The following MSRB3 variants were observed in gnomAD, a reference collection of about 807,000 sequenced individuals.
The protein encoded by MSRB3 is methionine sulfoxide reductase B3.
In MSRB3, 13 loss-of-function variants were observed where a neutral mutation model predicts 21.0. The ratio of observed to expected loss-of-function variants is 0.62; its 90% CI spans 0.40 to 0.98. The LOEUF (loss-of-function observed/expected upper bound fraction) is 0.98, where lower values mean the gene tolerates loss of function less well. MSRB3 is among the 50% of genes least tolerant of loss of function. MSRB3 has a pLI of 0.00. For missense variants in MSRB3, 199 were observed against 230.3 expected, an observed-to-expected ratio of 0.86 and a Z score of 0.88; for synonymous variants, 87 against 88.6, an observed-to-expected ratio of 0.98 and a Z score of 0.10.
chr12:65,390,433 G>A (rs1879415784), intron 5 of MSRB3, among the ~76,000 whole-genome samples: 1 of 151,996 alleles, frequency 6.6e-6, no homozygotes, highest in Admixed American at 6.6e-5. Context: ...AGGCCAATAA[G>A]CATTTGCAAA....
chr12:65,346,885 C>T (rs1876550308), intron 4 of MSRB3, among the ~76,000 whole-genome samples: 1 of 152,118 alleles, frequency 6.6e-6, no homozygotes, highest in African/African-American at 2.4e-5. Context: ...TGTCAAAGAT[C>T]AGATAGCTGT....
chr12:65,392,857 G>A (rs1004565901), intron 5 of MSRB3, among the ~76,000 whole-genome samples: 1 of 152,134 alleles, frequency 6.6e-6, no homozygotes, highest in African/African-American at 2.4e-5. Context: ...CACAGAAAGA[G>A]TTCTATTATT....
chr12:65,356,690 A>G (rs925053662), intron 4 of MSRB3, among the ~76,000 whole-genome samples: 1 of 151,984 alleles, frequency 6.6e-6, no homozygotes, highest in African/African-American at 2.4e-5. Context: ...AAGAACATTC[A>G]GGTTAGTGGT....
At chr12:65,419,185 G>A in intron 5 of MSRB3, 1 of 700,748 alleles carries the variant, frequency 1.4e-6, no homozygotes, top group South Asian at 1.5e-5. Flanking sequence ...GACCACTGTG[G>A]TACTCTCCTT....
chr12:65,430,953 G>C (rs1355767680), intron 5 of MSRB3, among the ~76,000 whole-genome samples: 1 of 152,042 alleles, frequency 6.6e-6, no homozygotes, highest in Non-Finnish European at 1.5e-5. Flanking sequence ...ATGAATACAA[G>C]TTCAAGTTTG....
At chr12:65,361,930 G>A (rs923805758) in intron 4 of MSRB3, among the ~76,000 whole-genome samples, 7 of 151,946 alleles carry the variant, frequency 4.6e-5, no homozygotes, top group African/African-American at 1.2e-4. Flanking sequence ...AAAATTAACC[G>A]TAAAATTAAT....
At chr12:65,308,766 G>A (rs920020097) in intron 2 of MSRB3, 111 bp downstream of exon 2, 4 of 1,496,878 alleles carry the variant, frequency 2.7e-6, no homozygotes, top group African/African-American at 1.4e-5. Flanking sequence ...CTTTTACTTG[G>A]GCCCTAATTT....
intron 2 of MSRB3, among the ~76,000 whole-genome samples, chr12:65,311,492 A>G (rs12314076): frequency 0.042 from 6,383 of 152,130 alleles, 432 homozygotes; most frequent in African/African-American, 0.15. Flanking sequence ...GCTCTTAGAT[A>G]TATAGAAATG....
rs560946550 is a variant in MSRB3 at position 65,380,372 on chromosome 12, T to G, written c.292+11346T>G. 3.9e-4 allele frequency among the ~76,000 whole-genome samples: 59 copies of G among 151,616 alleles called. No individual in the cohort carries two copies. The South Asian group carries it at 9.9e-3, about 25-fold the overall frequency. The stretch of plus-strand genomic sequence containing the variant: ...AGTTGGATCACTTGAGGTACAGGAG[T>G]TCGAAACAGCCTGGCCAACATGGTG... On this transcript the variant is annotated intron_variant, in intron 5 of 6. Coordinates refer to ENST00000308259, the MANE Select transcript of MSRB3 (RefSeq NM_001031679.3).
At chr12:65,392,299 G>A (rs1879523302) in intron 5 of MSRB3, among the ~76,000 whole-genome samples, 1 of 152,150 alleles carries the variant, frequency 6.6e-6, no homozygotes, top group Non-Finnish European at 1.5e-5. Flanking sequence ...AAATTACACA[G>A]GGGTAGAAAT....
chr12:65,422,232 T>C (rs1341632249), intron 5 of MSRB3, among the ~76,000 whole-genome samples: 2 of 151,540 alleles, frequency 1.3e-5, no homozygotes, highest in African/African-American at 2.4e-5. Context: ...ATAAAGCAAG[T>C]CCTTAGAGAC....
chr12:65,448,342 CA>C (rs1181619985), intron 5 of MSRB3, among the ~76,000 whole-genome samples: 1 of 152,114 alleles, frequency 6.6e-6, no homozygotes, highest in East Asian at 1.9e-4. Flanking sequence ...GTAAATGAAA[CA>C]AACTCCCTGC....
At chr12:65,317,244 T>C (rs2136435524) in intron 2 of MSRB3, among the ~76,000 whole-genome samples, 1 of 152,290 alleles carries the variant, frequency 6.6e-6, no homozygotes, top group East Asian at 1.9e-4. Context: ...ATCATGAAAT[T>C]GAGAAACCCT....
At position 65,465,118 on chromosome 12, in the gene MSRB3, T is replaced by G. The variant is rs1259045999; in HGVS notation, c.*1796T>G. The G allele has an allele frequency of 6.6e-6, 1 of 152,196 alleles. No individual in the cohort carries two copies. The highest frequency in any genetic ancestry group is 2.1e-4 in the South Asian group (1 of 4,830). The allele number at this position is 152,196 out of a possible 1,614,324, so 9.4% of individuals were successfully genotyped here. On this transcript the variant is annotated 3_prime_UTR_variant, in exon 7 of 7. Transcript: ENST00000308259. ...ACTTAGCTGATTGGTATGGAAACAG[T>G]TGGGCCAAGAGCCAGAATTTCCCTT...
chr12:65,371,113 G>T (rs958057185), intron 5 of MSRB3, among the ~76,000 whole-genome samples: 1 of 152,048 alleles, frequency 6.6e-6, no homozygotes, highest in Non-Finnish European at 1.5e-5. Context: ...AGATCGCAAG[G>T]TCAGGAGATC....
intron 5 of MSRB3, among the ~76,000 whole-genome samples, chr12:65,422,403 TA>T (rs1881356129): frequency 1.9e-4 from 6 of 31,962 alleles, no homozygotes; most frequent in Admixed American, 9.6e-4. Flanking sequence ...TATATATATA[TA>T]TATATATATA....
At chr12:65,370,109 CT>C in intron 5 of MSRB3, among the ~76,000 whole-genome samples, 1 of 152,046 alleles carries the variant, frequency 6.6e-6, no homozygotes, top group South Asian at 2.1e-4. Context: ...TCTTTGGATC[CT>C]GTGTCTTCTG....
At chr12:65,347,024 C>T (rs1014443863) in intron 4 of MSRB3, among the ~76,000 whole-genome samples, 5 of 152,134 alleles carry the variant, frequency 3.3e-5, no homozygotes, top group African/African-American at 9.7e-5. Context: ...AGCATGATGC[C>T]TTCAGCTTTG....
intron 5 of MSRB3, chr12:65,419,432 G>A (rs1881159175): frequency 4.0e-6 from 3 of 749,172 alleles, no homozygotes; most frequent in Non-Finnish European, 7.4e-6. Flanking sequence ...TTCAGCTGCA[G>A]CTGAGTGACA....
Sources: allele counts gnomAD v4.1 joint callset (sites outside exome capture counted in the v4.1 genomes callset), GRCh38; gene constraint gnomAD v4.1.1; transcripts MANE v1.5; gene names NCBI Gene and HGNC (gene_info 2026-07-23, HGNC 2026-07-21).